Variants in BRF1 observed in about 807,000 individuals in gnomAD.
BRF1 encodes the protein BRF1 general transcription factor IIIB subunit.
Under a neutral mutation model 81.7 loss-of-function variants are expected in BRF1, and 59 were observed. That is an observed-to-expected ratio of 0.72 (90% CI 0.59 to 0.90). The LOEUF (loss-of-function observed/expected upper bound fraction) is 0.90. BRF1 is among the 40% of genes least tolerant of loss of function. BRF1 has a pLI of 0.00. For synonymous variants in BRF1, 491 were observed against 395.6 expected (o/e 1.24, Z -2.86); for missense variants, 1,050 against 936.3 (o/e 1.12, Z -1.58).
intron 12 of BRF1, 148 bp from the exon 13 acceptor site, chr14:105,219,380 C>T (rs1182088689): frequency 6.9e-7 from 1 of 1,459,550 alleles, no homozygotes; most frequent in Non-Finnish European, 9.1e-7. Flanking sequence ...TGGGCTGAGG[C>T]CTCATCGCGC....
intron 5 of BRF1, among the ~76,000 whole-genome samples, chr14:105,243,048 G>A (rs1025171169): frequency 2.0e-5 from 3 of 152,002 alleles, no homozygotes; most frequent in Non-Finnish European, 2.9e-5. Context: ...CCTAGGAGGC[G>A]GAGATTGCAG....
Position 105,209,701 on chromosome 14 carries a change from T to C in BRF1, c.*850A>G, listed in dbSNP as rs760997572. 3 of 632,060 alleles carry C rather than the reference T, an allele frequency of 4.7e-6. No homozygotes were observed. The highest frequency in any genetic ancestry group is 5.7e-6 in the Non-Finnish European group (2 of 349,798). The allele number at this position is 632,060 out of a possible 1,614,324, so 39.2% of individuals were successfully genotyped here. ...AGGGAGCGCCACTGCCCTCTGGCTC[T>C]GTCCACGGGGAACTCCCAGCGCCAG... On this transcript the variant is annotated 3_prime_UTR_variant, in exon 18 of 18. Coordinates refer to ENST00000547530, the MANE Select transcript of BRF1 (RefSeq NM_001519.4).
At chr14:105,220,186 T>C (rs998981040) in intron 11 of BRF1, 56 bp from the exon 12 acceptor site, 1 of 1,605,602 alleles carries the variant, frequency 6.2e-7, no homozygotes, top group Non-Finnish European at 8.5e-7. Context: ...TATAGGAGCG[T>C]GGCCACCACC....
In BRF1 at chr14:105,217,665, C is replaced by T. The variant is rs758692793; in HGVS notation, c.1651G>A (p.Gly551Arg). 4.3e-6 allele frequency: 7 copies of T among 1,613,256 alleles called. No individual in the cohort carries two copies. Among genetic ancestry groups the T allele is most frequent in the African/African-American group, 2.7e-5 (2 of 74,946 alleles). ...GCATCCTCCCTGTGCGGACTGCCCC[C>T]GCCGGCGCTGCTGAGGCCCCGGAGC... ...SVLRGLSSAG[G>R]GSPHREDAQP... Residue 551 changes from glycine to arginine, a missense_variant, in exon 15 of 18, where the codon GGG (glycine) becomes AGG (arginine). Gly to Arg is a moderately radical substitution (Grantham distance 125). Transcript: ENST00000547530.
chr14:105,315,573 C>G (rs1184607977), upstream of BRF1: 3 of 152,338 alleles, frequency 2.0e-5, no homozygotes, highest in African/African-American at 7.2e-5. The surrounding 1 kb of genome is among the most constrained non-coding windows in gnomAD (Gnocchi z 4.4). Flanking sequence ...CGCTGTCTCT[C>G]ATTTAGAGGC....
At chr14:105,228,654 C>T (rs1047540628) in intron 7 of BRF1, among the ~76,000 whole-genome samples, 166 bp downstream of exon 7, 5 of 152,140 alleles carry the variant, frequency 3.3e-5, no homozygotes, top group Non-Finnish European at 7.4e-5. Context: ...GGCAGCCCAC[C>T]AGCACGTCCA....
intron 3 of BRF1, among the ~76,000 whole-genome samples, chr14:105,263,321 C>A (rs1423955105): frequency 2.0e-5 from 3 of 151,936 alleles, no homozygotes; most frequent in African/African-American, 7.3e-5. Flanking sequence ...CAGTGGCTTC[C>A]GAGCCAGCCA....
chr14:105,226,190 C>T (rs748106470), intron 9 of BRF1, 29 bp from the exon 10 acceptor site: 4 of 1,613,908 alleles, frequency 2.5e-6, no homozygotes, highest in Non-Finnish European at 3.4e-6. Context: ...AGCAAAAAGT[C>T]AGCATAAAAT....
At chr14:105,249,792 C>T in intron 5 of BRF1, 2 of 1,613,848 alleles carry the variant, frequency 1.2e-6, no homozygotes, top group Non-Finnish European at 1.7e-6. Context: ...GTCCTGCTGT[C>T]CCAGAGCCGG....
rs114482300 is a variant in BRF1 at position 105,284,119 on chromosome 14, C to T, written c.265+2177G>A. On this transcript the variant is annotated intron_variant, in intron 2 of 17. Coordinates refer to ENST00000547530, the MANE Select transcript of BRF1 (RefSeq NM_001519.4). This position sits in a 1 kb window ranked among gnomAD's most constrained non-coding sequence, Gnocchi z 4.0. Reference sequence around the variant, plus strand: ...GAAGAGGGATGTGCTGCGCTGCACCCGCTTCCTGCAGGAAACGCATTCAAG... The same window carrying T: ...GAAGAGGGATGTGCTGCGCTGCACCTGCTTCCTGCAGGAAACGCATTCAAG... Among the ~76,000 whole-genome samples the T allele has an allele frequency of 4.3e-3, 649 of 152,188 alleles. 6 individuals carry two copies. The highest frequency in any genetic ancestry group is 0.015 in the African/African-American group (631 of 41,520).
In BRF1 at chr14:105,264,592, G is replaced by A. The variant is rs191214033; in HGVS notation, c.440-8043C>T. 7.4e-3 allele frequency among the ~76,000 whole-genome samples: 1,110 copies of A among 150,364 alleles called. 12 individuals carry two copies. Among genetic ancestry groups the A allele is most frequent in the Non-Finnish European group, 6.7e-3 (455 of 67,708 alleles). ...TGAGGCAGGAGAATGGCATGAACCC[G>A]GGAGGCAGAGCATGCAGTGAGCCGA... On this transcript the variant is annotated intron_variant, in intron 3 of 17. Coordinates refer to ENST00000547530, the MANE Select transcript of BRF1 (RefSeq NM_001519.4).
chr14:105,249,967 C>T (rs923048525), intron 5 of BRF1: 1 of 1,612,392 alleles, frequency 6.2e-7, no homozygotes, highest in East Asian at 2.2e-5. Context: ...TCTTCGAGGC[C>T]GTCCTGAACT....
chr14:105,290,324 C>T (rs943522513), intron 1 of BRF1, among the ~76,000 whole-genome samples: 1 of 152,084 alleles, frequency 6.6e-6, no homozygotes, highest in Non-Finnish European at 1.5e-5. Context: ...GAGGCTGAAG[C>T]GGGAGAATCA....
At chr14:105,251,798 G>A (rs587705262) in intron 5 of BRF1, among the ~76,000 whole-genome samples, 10 of 151,926 alleles carry the variant, frequency 6.6e-5, no homozygotes, top group African/African-American at 1.7e-4. Context: ...CAGAACCATC[G>A]GGCAGTGAGT....
intron 10 of BRF1, among the ~76,000 whole-genome samples, chr14:105,222,907 C>T (rs1157155376): frequency 6.6e-6 from 1 of 152,176 alleles, no homozygotes. Flanking sequence ...GGATTACAGG[C>T]GTGAGGCTCT....
At chr14:105,270,886 C>T (rs1285838351) in intron 3 of BRF1, among the ~76,000 whole-genome samples, 1 of 152,068 alleles carries the variant, frequency 6.6e-6, no homozygotes, top group Non-Finnish European at 1.5e-5. Flanking sequence ...CTCGTCATCT[C>T]CAGGAGCCCT....
chr14:105,271,205 T>C lies in BRF1; in HGVS notation c.439+1516A>G, dbSNP rs896781472. Among the ~76,000 whole-genome samples, 1 of 151,488 alleles carries C rather than the reference T, an allele frequency of 6.6e-6. No homozygotes were observed. Among genetic ancestry groups the C allele is most frequent in the Non-Finnish European group, 1.5e-5 (1 of 67,896 alleles). On this transcript the variant is annotated intron_variant, in intron 3 of 17. Coordinates refer to ENST00000547530, the MANE Select transcript of BRF1 (RefSeq NM_001519.4). The surrounding 1 kb of genome is among the most constrained non-coding windows in gnomAD (Gnocchi z 5.5). Reference sequence around the variant, plus strand: ...CATGGGTTCAGTGTGGCAGGCAGAGTAACAGAGAAGAAGGGAGACACATCT... The same window carrying C: ...CATGGGTTCAGTGTGGCAGGCAGAGCAACAGAGAAGAAGGGAGACACATCT...
At position 105,286,312 on chromosome 14, in the gene BRF1, C is replaced by T. The variant is rs1185088264; in HGVS notation, c.249G>A (p.Ala83=). 17 of 1,613,408 alleles carry T rather than the reference C, an allele frequency of 1.1e-5. No individual in the cohort carries two copies. The highest frequency in any genetic ancestry group is 1.7e-5 in the Admixed American group (1 of 59,898). The change falls in exon 2 of 18, where the codon GCG becomes GCA. Residue 83 remains alanine (A), a synonymous_variant. Transcript: ENST00000547530. ...GGGAAATACCATTCTGCAGGGTCTG[C>T]GCTCTCGACTCCTTCCCCAGATTCA... ...FHVNLGKESR[A]QTLQNGRRHI... is the part of the protein sequence containing the mutation.
In BRF1 at chr14:105,269,204, G is replaced by C. The variant is rs587664129; in HGVS notation, c.439+3517C>G. The stretch of plus-strand genomic sequence containing the variant: ...GAGCGGGACATGCTACACCTGGCCT[G>C]ACCCACTTCCCTCTAAAGTGCCGGC... On this transcript the variant is annotated intron_variant, in intron 3 of 17. Transcript: ENST00000547530. This position sits in a 1 kb window ranked among gnomAD's most constrained non-coding sequence, Gnocchi z 5.0. 7.2e-5 allele frequency among the ~76,000 whole-genome samples: 11 copies of C among 152,224 alleles called. No individual in the cohort carries two copies. The highest frequency in any genetic ancestry group is 1.3e-4 in the Admixed American group (2 of 15,294).
Sources: allele counts gnomAD v4.1 joint callset (sites outside exome capture counted in the v4.1 genomes callset), GRCh38; gene constraint gnomAD v4.1.1; non-coding constraint Gnocchi (gnomAD v3.1); transcripts MANE v1.5; gene names NCBI Gene and HGNC (gene_info 2026-07-23, HGNC 2026-07-21).